Variants in GPR63 observed in about 807,000 individuals in gnomAD.
GPR63 encodes probable G protein-coupled receptor 63.
Under a neutral mutation model 23.1 loss-of-function variants are expected in GPR63, and 12 were observed. The ratio of observed to expected loss-of-function variants is 0.52; its 90% CI spans 0.33 to 0.84. The LOEUF is 0.84. Ranked by LOEUF, GPR63 falls within the 40% of genes least tolerant of loss-of-function variation. GPR63 has a pLI of 0.02. For synonymous variants in GPR63, 172 were observed against 191.1 expected, an observed-to-expected ratio of 0.90 and a Z score of 0.82; for missense variants, 472 against 515.6, an observed-to-expected ratio of 0.92 and a Z score of 0.82.
rs563582058 is a variant in GPR63, at chr6:96,818,417, C to T, written c.-150-18536G>A. 4.0e-5 allele frequency among the ~76,000 whole-genome samples: 6 copies of T among 151,866 alleles called. No homozygotes were observed. In the South Asian group the frequency reaches 6.2e-4, roughly 16 times the overall value. On this transcript the variant is annotated intron_variant, in intron 1 of 1. Transcript: ENST00000229955. ...GGCAGATGTTGCAATGAGCTAAGAT[C>T]GCAGCACTGTACTCCAGCCTGGGCA...
In GPR63 at chr6:96,799,460, A is replaced by G; in HGVS notation, c.272T>C (p.Ile91Thr). The change falls in exon 2 of 2, where the codon ATT (isoleucine) becomes ACT (threonine). Residue 91 changes from isoleucine (I) to threonine (T), a missense_variant. Ile to Thr is a moderately conservative substitution (Grantham distance 89). Transcript: ENST00000229955. ...QITLSAIMIF[I>T]LFVSFLGNLV... ...GTTCCCAAGAAAAGACACAAACAGA[A>G]TGAATATCATTATAGCAGAAAGGGT... 1 of 1,614,124 alleles carries G rather than the reference A, an allele frequency of 6.2e-7. No homozygotes were observed. Among genetic ancestry groups the G allele is most frequent in the Non-Finnish European group, 8.5e-7 (1 of 1,180,000 alleles).
At chr6:96,803,961 G>T (rs1562115537) in intron 1 of GPR63, among the ~76,000 whole-genome samples, 1 of 152,112 alleles carries the variant, frequency 6.6e-6, no homozygotes, top group Non-Finnish European at 1.5e-5. Flanking sequence ...GTGTGCACAT[G>T]ATATATGCAT....
At chr6:96,808,159 A>C (rs1773946598) in intron 1 of GPR63, among the ~76,000 whole-genome samples, 1 of 152,222 alleles carries the variant, frequency 6.6e-6, no homozygotes, top group African/African-American at 2.4e-5. Context: ...ATGATGTGGA[A>C]ATGAATCAGG....
chr6:96,816,622 C>G (rs1181012373), intron 1 of GPR63, among the ~76,000 whole-genome samples: 2 of 152,194 alleles, frequency 1.3e-5, no homozygotes, highest in Non-Finnish European at 2.9e-5. Context: ...CACCTGAAGG[C>G]ATGAGCTAAT....
Position 96,799,154 on chromosome 6 carries a change from T to C in GPR63, c.578A>G (p.Tyr193Cys). 4 of 1,614,156 alleles carry C rather than the reference T, an allele frequency of 2.5e-6. No homozygotes were observed. Among genetic ancestry groups the C allele is most frequent in the Non-Finnish European group, 2.5e-6 (3 of 1,180,034 alleles). ...IVQRQDKLNP[Y>C]RAKVLIAVSW... ...AACTGCAATCAGAACCTTAGCTCTA[T>C]ATGGGTTTAGCTTATCCTGCCTCTG... Residue 193 changes from tyrosine to cysteine, a missense_variant, in exon 2 of 2, where the codon TAT becomes TGT. Tyr to Cys is a radical substitution (Grantham distance 194). Transcript: ENST00000229955.
At chr6:96,813,971 A>G (rs1774102608) in intron 1 of GPR63, among the ~76,000 whole-genome samples, 1 of 152,190 alleles carries the variant, frequency 6.6e-6, no homozygotes, top group African/African-American at 2.4e-5. Flanking sequence ...AAAGTGGTAT[A>G]TTTGAAATGT....
At chr6:96,824,623 C>G (rs934064724) in intron 1 of GPR63, among the ~76,000 whole-genome samples, 1 of 144,608 alleles carries the variant, frequency 6.9e-6, no homozygotes, top group African/African-American at 2.6e-5. Flanking sequence ...AAAACCTGCA[C>G]TATTCATTTT....
intron 1 of GPR63, among the ~76,000 whole-genome samples, chr6:96,815,408 C>G (rs1774139620): frequency 6.6e-6 from 1 of 152,038 alleles, no homozygotes; most frequent in Non-Finnish European, 1.5e-5. Flanking sequence ...ATGGTAGTTG[C>G]CAGGGACTGG....
chr6:96,831,688 C>G (rs1039727682), intron 1 of GPR63, among the ~76,000 whole-genome samples: 7 of 152,084 alleles, frequency 4.6e-5, no homozygotes, highest in African/African-American at 1.7e-4. Flanking sequence ...AGGCAGATCA[C>G]TAGAGGTCAG....
chr6:96,813,122 T>A (rs1774083422), intron 1 of GPR63, among the ~76,000 whole-genome samples: 1 of 152,146 alleles, frequency 6.6e-6, no homozygotes, highest in East Asian at 1.9e-4. Context: ...CCTAGCCTAT[T>A]TAATTTACCA....
chr6:96,812,078 A>C (rs1774059879), intron 1 of GPR63, among the ~76,000 whole-genome samples: 1 of 152,098 alleles, frequency 6.6e-6, no homozygotes, highest in Non-Finnish European at 1.5e-5. Context: ...TAATCACACA[A>C]AGTGAGACAG....
chr6:96,833,252 G>C (rs977884843), intron 1 of GPR63, among the ~76,000 whole-genome samples: 2 of 152,090 alleles, frequency 1.3e-5, no homozygotes, highest in African/African-American at 4.8e-5. Context: ...AACTCCCTTT[G>C]TATCCACATC....
chr6:96,830,798 T>C (rs1774560481), intron 1 of GPR63, among the ~76,000 whole-genome samples: 1 of 152,248 alleles, frequency 6.6e-6, no homozygotes. Flanking sequence ...TGTTTAAGTT[T>C]CTACCTTTTC....
In GPR63 at chr6:96,797,281, T is replaced by C. The variant is rs534097860; in HGVS notation, c.*1191A>G. 1 of 152,296 alleles carries C rather than the reference T, an allele frequency of 6.6e-6. No homozygotes were observed. Among genetic ancestry groups the C allele is most frequent in the South Asian group, 2.1e-4 (1 of 4,820 alleles). 9.4% of individuals were successfully genotyped at this position (152,296 alleles called of 1,614,324 possible). A position where few individuals can be genotyped will look rare whatever the true frequency, so the allele number is the denominator to read the frequency against. ...ATTTTTTCTTTTCTATTTTCCAGTGTTTCTGTAATGCTTTCATATTTCTTT... is the reference window on the plus strand; with the variant it reads ...ATTTTTTCTTTTCTATTTTCCAGTGCTTCTGTAATGCTTTCATATTTCTTT... On this transcript the variant is annotated 3_prime_UTR_variant, in exon 2 of 2. Transcript: ENST00000229955.
intron 1 of GPR63, among the ~76,000 whole-genome samples, chr6:96,817,916 T>C (rs891036355): frequency 1.1e-4 from 17 of 151,208 alleles, no homozygotes; most frequent in African/African-American, 4.1e-4. Flanking sequence ...GCCCGTATGA[T>C]TGGTGCGTCT....
intron 1 of GPR63, among the ~76,000 whole-genome samples, chr6:96,827,431 C>T (rs1029218040): frequency 3.3e-5 from 5 of 151,910 alleles, no homozygotes; most frequent in Non-Finnish European, 7.4e-5. Flanking sequence ...ATTGGAGTTC[C>T]AGAAGATCAT....
chr6:96,833,270 G>A (rs1774638272), intron 1 of GPR63, among the ~76,000 whole-genome samples: 1 of 152,082 alleles, frequency 6.6e-6, no homozygotes, highest in Non-Finnish European at 1.5e-5. Context: ...ATCCTCCCAG[G>A]ATCAACTTGA....
intron 1 of GPR63, among the ~76,000 whole-genome samples, chr6:96,810,017 G>GT (rs1774001234): frequency 6.6e-6 from 1 of 152,158 alleles, no homozygotes; most frequent in Admixed American, 6.6e-5. Flanking sequence ...ATTGGTGGGA[G>GT]TATGAACTGG....
chr6:96,805,074 T>G (rs901032809), intron 1 of GPR63, among the ~76,000 whole-genome samples: 2 of 152,194 alleles, frequency 1.3e-5, no homozygotes, highest in Non-Finnish European at 2.9e-5. Flanking sequence ...TCTTATAAAT[T>G]TGTTGGCATT....
Sources: gnomAD v4.1 joint callset for allele counts (sites outside exome capture counted in the v4.1 genomes callset) on GRCh38, gnomAD v4.1.1 for gene constraint, MANE v1.5 for transcripts, NCBI Gene and HGNC (gene_info 2026-07-23, HGNC 2026-07-21) for gene names.